Variants in LINGO2 observed in about 807,000 individuals in gnomAD.
LINGO2 encodes leucine rich repeat and Ig domain containing 2.
Under a neutral mutation model 30.6 loss-of-function variants are expected in LINGO2, and 14 were observed. That is an observed-to-expected ratio of 0.46 (90% CI 0.30 to 0.72). The LOEUF is 0.72. Among genes scored for constraint, LINGO2 ranks in the 30% least tolerant of loss-of-function variants. The pLI is 0.07. For synonymous variants in LINGO2, 317 were observed against 288.5 expected, an observed-to-expected ratio of 1.10 and a Z score of -1.00; for missense variants, 729 against 751.7, an observed-to-expected ratio of 0.97 and a Z score of 0.35.
chr9:29,191,068 A>AG, the LINGO2 span, among the ~76,000 whole-genome samples: 3 of 152,198 alleles, frequency 2.0e-5, no homozygotes, highest in Admixed American at 2.0e-4. Context: ...AAAATCCACT[A>AG]GACCACGGTG....
intron 1 of LINGO2, among the ~76,000 whole-genome samples, chr9:28,515,892 A>G (rs989854650): frequency 6.6e-6 from 1 of 152,180 alleles, no homozygotes; most frequent in Non-Finnish European, 1.5e-5. Context: ...GGAAGAGTCA[A>G]TTGATGCAGC....
chr9:28,841,278 T>C, the LINGO2 span, among the ~76,000 whole-genome samples: 1 of 151,688 alleles, frequency 6.6e-6, no homozygotes, highest in Non-Finnish European at 1.5e-5. Context: ...TGGCTGGACA[T>C]AGAATAAGAG....
the LINGO2 span, among the ~76,000 whole-genome samples, chr9:28,975,242 AC>A: frequency 6.6e-5 from 10 of 152,274 alleles, no homozygotes; most frequent in African/African-American, 1.9e-4. Context: ...GAGAAAAAAA[AC>A]CCCCATAATT....
intron 2 of LINGO2, among the ~76,000 whole-genome samples, chr9:28,433,815 A>C (rs2134966116): frequency 6.6e-6 from 1 of 152,112 alleles, no homozygotes; most frequent in East Asian, 1.9e-4. Context: ...TATGAAAAAG[A>C]CACATGCACA....
intron 4 of LINGO2, among the ~76,000 whole-genome samples, chr9:28,105,778 G>A (rs969116280): frequency 6.6e-6 from 1 of 152,118 alleles, no homozygotes; most frequent in Non-Finnish European, 1.5e-5. Context: ...AAGGCCACGT[G>A]AGGACACAGA....
At chr9:28,939,561 T>C in the LINGO2 span, among the ~76,000 whole-genome samples, 1 of 152,184 alleles carries the variant, frequency 6.6e-6, no homozygotes, top group Non-Finnish European at 1.5e-5. Flanking sequence ...TTCTATATGA[T>C]ATTTCCTAAT....
At chr9:28,369,852 T>C (rs1324029518) in intron 3 of LINGO2, among the ~76,000 whole-genome samples, 3 of 152,150 alleles carry the variant, frequency 2.0e-5, no homozygotes, top group Non-Finnish European at 2.9e-5. Context: ...TTTGAAAGAG[T>C]AAAGTGAATA....
At chr9:29,056,720 G>C in the LINGO2 span, among the ~76,000 whole-genome samples, 1 of 152,060 alleles carries the variant, frequency 6.6e-6, no homozygotes, top group African/African-American at 2.4e-5. Flanking sequence ...TATGGTTTCA[G>C]GTCTTAGATT....
chr9:29,106,383 G>A, the LINGO2 span, among the ~76,000 whole-genome samples: 1 of 152,024 alleles, frequency 6.6e-6, no homozygotes, highest in African/African-American at 2.4e-5. Context: ...CCATTTTTCA[G>A]ATGAGAAAAA....
intron 4 of LINGO2, among the ~76,000 whole-genome samples, chr9:28,206,080 G>C (rs746036626): frequency 2.1e-5 from 3 of 145,132 alleles, no homozygotes; most frequent in Admixed American, 7.1e-5. Flanking sequence ...TGGGAGAATT[G>C]CTTGAACCCA....
the LINGO2 span, among the ~76,000 whole-genome samples, chr9:28,938,312 C>T: frequency 6.6e-6 from 1 of 152,112 alleles, no homozygotes; most frequent in Non-Finnish European, 1.5e-5. Flanking sequence ...ATAGAACATG[C>T]TTTCTCATTT....
intron 1 of LINGO2, among the ~76,000 whole-genome samples, chr9:28,649,028 T>C (rs1011558351): frequency 3.3e-5 from 5 of 152,146 alleles, no homozygotes; most frequent in African/African-American, 1.2e-4. Flanking sequence ...AGTTTACATC[T>C]TGGCATAAGT....
chr9:28,438,458 G>A (rs1237410662), intron 2 of LINGO2, among the ~76,000 whole-genome samples: 1 of 152,140 alleles, frequency 6.6e-6, no homozygotes, highest in Non-Finnish European at 1.5e-5. Context: ...TCTTCAGGTT[G>A]TGGGACTTAG....
intron 5 of LINGO2, among the ~76,000 whole-genome samples, chr9:27,991,416 C>A (rs953034442): frequency 6.6e-6 from 1 of 152,028 alleles, no homozygotes; most frequent in African/African-American, 2.4e-5. Flanking sequence ...TAAGCCCTGG[C>A]AATCTGTGTT....
chr9:28,290,972 T>C (rs562259028), intron 4 of LINGO2, among the ~76,000 whole-genome samples: 1 of 152,262 alleles, frequency 6.6e-6, no homozygotes, highest in South Asian at 2.1e-4. Flanking sequence ...ATGGTGTATA[T>C]AAGCTGCAGC....
At chr9:28,325,080 C>A (rs919894180) in intron 3 of LINGO2, among the ~76,000 whole-genome samples, 21 of 151,964 alleles carry the variant, frequency 1.4e-4, no homozygotes, top group Non-Finnish European at 2.4e-4. Context: ...CTCTCCCTCT[C>A]CTCCCTCTCC....
At chr9:28,885,444 C>T in the LINGO2 span, among the ~76,000 whole-genome samples, 1 of 117,730 alleles carries the variant, frequency 8.5e-6, no homozygotes, top group East Asian at 2.3e-4. Flanking sequence ...CATATATATA[C>T]ACACATATAT....
chr9:28,911,702 C>T, the LINGO2 span, among the ~76,000 whole-genome samples: 61 of 152,076 alleles, frequency 4.0e-4, no homozygotes, highest in South Asian at 0.012. Context: ...GAATGTTGTT[C>T]TTCTAAAATA....
intron 1 of LINGO2, among the ~76,000 whole-genome samples, chr9:28,509,966 G>A (rs962815980): frequency 3.3e-5 from 5 of 152,182 alleles, no homozygotes; most frequent in Non-Finnish European, 7.3e-5. Flanking sequence ...GCAATAATTC[G>A]TAATGATAAC....
Sources: allele counts gnomAD v4.1 joint callset (sites outside exome capture counted in the v4.1 genomes callset), GRCh38; gene constraint gnomAD v4.1.1; transcripts MANE v1.5; gene names NCBI Gene and HGNC (gene_info 2026-07-23, HGNC 2026-07-21).